The following MUC4 variants were observed in gnomAD, a reference collection of about 807,000 sequenced individuals.
MUC4 encodes mucin 4, cell surface associated.
A neutral mutation model predicts 257.9 loss-of-function variants in MUC4; 202 were observed. The observed-to-expected ratio is 0.78, with a 90% CI of 0.70 to 0.88. The LOEUF (loss-of-function observed/expected upper bound fraction) is 0.88. Among genes scored for constraint, MUC4 ranks in the 40% least tolerant of loss-of-function variants. The pLI is 0.00. For missense variants in MUC4, 5,976 were observed against 6,513.7 expected, an observed-to-expected ratio of 0.92 and a Z score of 2.84; for synonymous variants, 2,351 against 2,757.1, an observed-to-expected ratio of 0.85 and a Z score of 4.62.
intron 7 of MUC4, among the ~76,000 whole-genome samples, chr3:195,767,624 CCACCAT>C (rs1721285287): frequency 5.3e-5 from 5 of 94,216 alleles, no homozygotes; most frequent in African/African-American, 1.3e-4. Context: ...ACCACCATCA[CCACCAT>C]CACCACCACC....
Position 195,783,096 on chromosome 3 carries a change from A to T in MUC4, c.8484T>A (p.Gly2828=), listed in dbSNP as rs1729158020. The change falls in exon 2 of 25, where the codon GGT becomes GGA. Residue 2828 remains glycine, a synonymous_variant. Coordinates refer to ENST00000463781, the MANE Select transcript of MUC4 (RefSeq NM_018406.7). The part of the protein sequence containing the change: ...PVTDASSVFT[G]HATSLPVTIP... ...TGGTGACAGGAAGAGAGGTGGCATG[A>T]CCTGTGAACACTGAGGAAGCGTCGG... 4.3e-6 allele frequency: 3 copies of T among 705,150 alleles called. No individual in the cohort carries two copies. In the African/African-American group the frequency reaches 6.5e-5, roughly 15 times the overall value. The allele number at this position is 705,150 out of a possible 1,614,324, so 43.7% of individuals were successfully genotyped here.
At chr3:195,748,522 C>G (rs1472768949) in intron 24 of MUC4, among the ~76,000 whole-genome samples, 1 of 152,228 alleles carries the variant, frequency 6.6e-6, no homozygotes, top group Non-Finnish European at 1.5e-5. Flanking sequence ...CGAGAACGCA[C>G]CACTGCACTC....
At position 195,789,260 on chromosome 3, in the gene MUC4, G is replaced by T; in HGVS notation, c.2320C>A (p.His774Asn). The T allele has an allele frequency of 6.2e-7, 1 of 1,613,920 alleles. No individual in the cohort carries two copies. Among genetic ancestry groups the T allele is most frequent in the Non-Finnish European group, 8.5e-7 (1 of 1,179,872 alleles). ...GAGGCCTCTGTGCTCTCAGCCTGGT[G>T]GGTATGGGTCATGGCTGCTGCTGTG... ...PDTAAAMTHTHQAESTEASGQ... is the reference protein window; with the variant it reads ...PDTAAAMTHTNQAESTEASGQ... The change falls in exon 2 of 25, where the codon CAC (histidine) becomes AAC (asparagine). Residue 774 changes from histidine (H) to asparagine (N), a missense_variant. This residue lies in a region of MUC4 where 1,583 missense variants were observed against 1,257.4 expected (regional missense o/e 1.26). Transcript: ENST00000463781.
Position 195,789,199 on chromosome 3 carries a change from C to T in MUC4, c.2381G>A (p.Gly794Glu), listed in dbSNP as rs776683499. The part of the protein sequence containing the change: ...QTQTSEPASS[G>E]SRTTSAGTAT... ...TGTGCCCGCTGAGGTGGTTCGTGAC[C>T]CTGAGGAGGCCGGTTCGCTGGTCTG... The change falls in exon 2 of 25, where the codon GGG (glycine) becomes GAG (glutamate). Residue 794 changes from glycine to glutamate, a missense_variant. Gly to Glu is a moderately conservative substitution (Grantham distance 98). Transcript: ENST00000463781. 2 of 1,613,784 alleles carry T rather than the reference C, an allele frequency of 1.2e-6. No individual in the cohort carries two copies. Among genetic ancestry groups the T allele is most frequent in the Non-Finnish European group, 1.7e-6 (2 of 1,179,840 alleles).
In MUC4 at chr3:195,786,688, G is replaced by T. The variant is rs1397050245; in HGVS notation, c.4892C>A (p.Thr1631Asn). ...GGAAGCATTGGTGACAGGAAGAGGG[G>T]TGGTGTCACCTGTGGATGCTGAGGA... ...DTSSASTGDT[T>N]PLPVTNASSL... is the part of the protein sequence containing the mutation. Residue 1631 changes from threonine (T) to asparagine (N), a missense_variant, in exon 2 of 25, where the codon ACC becomes AAC. Thr to Asn is a moderately conservative substitution (Grantham distance 65). Coordinates refer to ENST00000463781, the MANE Select transcript of MUC4 (RefSeq NM_018406.7). The T allele has an allele frequency of 6.5e-7, 1 of 1,538,854 alleles. No homozygotes were observed. Among genetic ancestry groups the T allele is most frequent in the Non-Finnish European group, 8.8e-7 (1 of 1,139,136 alleles).
rs757070010 is a variant in MUC4 at position 195,778,457 on chromosome 3, T to C, written c.12791-2A>G. 6 of 1,611,842 alleles carry C rather than the reference T, an allele frequency of 3.7e-6. No individual in the cohort carries two copies. Among genetic ancestry groups the C allele is most frequent in the East Asian group, 2.2e-5 (1 of 44,872 alleles). On this transcript the variant is annotated splice_acceptor_variant, in intron 2 of 24. Transcript: ENST00000463781. LOFTEE classifies it high-confidence loss of function. Reference sequence around the variant, plus strand: ...TCTTCAGTGACGGTGTTGTCATTCCTGGACACGTGAAAAGACAAGGCGGGG... The same window carrying C: ...TCTTCAGTGACGGTGTTGTCATTCCCGGACACGTGAAAAGACAAGGCGGGG...
intron 4 of MUC4, 126 bp downstream of exon 4, chr3:195,774,046 G>A (rs1365328795): frequency 4.8e-6 from 6 of 1,261,970 alleles, no homozygotes; most frequent in African/African-American, 1.6e-5. Context: ...TAAGGAGGCT[G>A]TGGGGATGGA....
In MUC4 at chr3:195,790,884, T is replaced by C; in HGVS notation, c.696A>G (p.Thr232=). 6.2e-7 allele frequency: 1 copy of C among 1,614,036 alleles called. No homozygotes were observed. The highest frequency in any genetic ancestry group is 8.5e-7 in the Non-Finnish European group (1 of 1,179,892). ...GAGATGTCTTCTGAGAAACAGTCCC[T>C]GTCACATTGTGTACACTTGGAGAGA... ...PSFSPSVHNV[T]GTVSQKTSPS... The change falls in exon 2 of 25, where the codon ACA becomes ACG. Residue 232 remains threonine (T), a synonymous_variant. Coordinates refer to ENST00000463781, the MANE Select transcript of MUC4 (RefSeq NM_018406.7).
At chr3:195,766,787 G>A in intron 7 of MUC4, 36 bp from the exon 8 acceptor site, 3 of 1,593,704 alleles carry the variant, frequency 1.9e-6, no homozygotes, top group South Asian at 1.1e-5. Context: ...CCTCTGCCGT[G>A]CACAGGCTCT....
rs773241828 is a variant in MUC4, at chr3:195,765,320, C to G, written c.13748G>C (p.Cys4583Ser). 2.5e-6 allele frequency: 4 copies of G among 1,613,734 alleles called. No individual in the cohort carries two copies. In the East Asian group the frequency reaches 8.9e-5, roughly 36 times the overall value. The stretch of plus-strand genomic sequence containing the variant: ...GTCCCGTCGTCCCTGCTGCCAGGAA[C>G]AAGGGCAGGAGACCTGGTTCCAGCC... ...SWGWNQVSCPCSWQQGRRDLR... is the reference protein window; with the variant it reads ...SWGWNQVSCPSSWQQGRRDLR... Residue 4583 changes from cysteine (C) to serine (S), a missense_variant, in exon 9 of 25, where the codon TGT (cysteine) becomes TCT (serine). Physicochemically the swap from Cys to Ser is moderately radical, Grantham distance 112. Transcript: ENST00000463781.
Position 195,789,453 on chromosome 3 carries a change from C to A in MUC4, c.2127G>T (p.Pro709=). Residue 709 remains proline, a synonymous_variant, in exon 2 of 25, where the codon CCG becomes CCT. Transcript: ENST00000463781. ...TGGGTGCTGCCTGCAGTGCTGTGGTCGGGGCCTGGGTTGTGTGACCATCCC... is the reference window on the plus strand; with the variant it reads ...TGGGTGCTGCCTGCAGTGCTGTGGTAGGGGCCTGGGTTGTGTGACCATCCC... ...PTGDGHTTQA[P]TTALQAAPSS... is the part of the protein sequence containing the mutation. The A allele has an allele frequency of 6.2e-7, 1 of 1,613,530 alleles. No homozygotes were observed. Among genetic ancestry groups the A allele is most frequent in the South Asian group, 1.1e-5 (1 of 91,060 alleles).
rs1358179365 is a variant in MUC4 at position 195,810,090 on chromosome 3, G to C, written c.82+1646C>G. On this transcript the variant is annotated intron_variant, in intron 1 of 24. Transcript: ENST00000463781. This position sits in a 1 kb window ranked among gnomAD's most constrained non-coding sequence, Gnocchi z 4.2. The stretch of plus-strand genomic sequence containing the variant: ...CGTCCTCACGGTGGGATGAGCACTG[G>C]AGCGGGGTTGTGTGGCCAGGGTGGG... The C allele has an allele frequency of 6.6e-6, 1 of 152,430 alleles. No homozygotes were observed. The highest frequency in any genetic ancestry group is 1.5e-5 in the Non-Finnish European group (1 of 68,300). 9.4% of individuals were successfully genotyped at this position (152,430 alleles called of 1,614,324 possible). A position where few individuals can be genotyped will look rare whatever the true frequency, so the allele number is the denominator to read the frequency against.
chr3:195,764,970 T>C (rs752850862), intron 10 of MUC4, 27 bp downstream of exon 10: 1 of 1,608,630 alleles, frequency 6.2e-7, no homozygotes, highest in Non-Finnish European at 8.5e-7. Flanking sequence ...GCCGGGAAGG[T>C]GGGGTTGAGA....
At chr3:195,762,351 C>T in intron 13 of MUC4, 97 bp from the exon 14 acceptor site, 1 of 1,339,034 alleles carries the variant, frequency 7.5e-7, no homozygotes, top group Non-Finnish European at 1.0e-6. Context: ...CCACCCCGCC[C>T]CTGGGGCTGA....
intron 7 of MUC4, among the ~76,000 whole-genome samples, chr3:195,767,480 TCACCAC>T (rs1354631680): frequency 4.5e-5 from 2 of 44,936 alleles, no homozygotes; most frequent in Non-Finnish European, 1.1e-4. Context: ...ACCATCACCA[TCACCAC>T]CACCATCACC....
intron 19 of MUC4, chr3:195,753,510 C>T (rs1388264370): frequency 4.0e-6 from 2 of 503,368 alleles, no homozygotes; most frequent in Non-Finnish European, 6.9e-6. Flanking sequence ...AGGAGGGGCC[C>T]CCAGCTGGCT....
intron 3 of MUC4, among the ~76,000 whole-genome samples, chr3:195,775,946 A>G (rs1323801721): frequency 4.5e-4 from 33 of 73,946 alleles, no homozygotes; most frequent in Admixed American, 1.6e-3. Context: ...CATACCTTCC[A>G]CACCCATACC....
chr3:195,789,852 C>T lies in MUC4; in HGVS notation c.1728G>A (p.Glu576=). ...TGTAGCTTGGGCTGCTGAGAAGAGC[C>T]TCTCCAGTGGTCCCCGTTTCTTGTG... ...QWTQETGTTG[E]ALLSSPSYSV... is the part of the protein sequence containing the mutation. Residue 576 remains glutamate, a synonymous_variant, in exon 2 of 25, where the codon GAG becomes GAA. Transcript: ENST00000463781. 1 of 1,614,004 alleles carries T rather than the reference C, an allele frequency of 6.2e-7. No individual in the cohort carries two copies. Among genetic ancestry groups the T allele is most frequent in the Non-Finnish European group, 8.5e-7 (1 of 1,179,874 alleles).
intron 1 of MUC4, among the ~76,000 whole-genome samples, chr3:195,808,753 G>A (rs990491786): frequency 1.1e-4 from 16 of 152,182 alleles, no homozygotes; most frequent in African/African-American, 3.9e-4. Flanking sequence ...GTTCCTGGCA[G>A]GACCTCTTGT....
Sources: allele counts gnomAD v4.1 joint callset (sites outside exome capture counted in the v4.1 genomes callset), GRCh38; gene constraint gnomAD v4.1.1; regional missense constraint gnomAD v4.1.1; non-coding constraint Gnocchi (gnomAD v3.1); transcripts MANE v1.5; gene names NCBI Gene and HGNC (gene_info 2026-07-23, HGNC 2026-07-21).